The following LPCAT3 variants were observed in gnomAD, a reference collection of about 807,000 sequenced individuals.
LPCAT3 encodes the protein lysophosphatidylcholine acyltransferase 3.
LPCAT3 carries 21 observed loss-of-function variants against 63.4 expected under a neutral mutation model. That is an observed-to-expected ratio of 0.33 (90% CI 0.23 to 0.48). The LOEUF (loss-of-function observed/expected upper bound fraction) is 0.48. Ranked by LOEUF, LPCAT3 falls within the 20% of genes least tolerant of loss-of-function variation. The pLI, the probability that LPCAT3 is intolerant of heterozygous loss-of-function variation, is 0.99. For synonymous variants in LPCAT3, 242 were observed against 227.5 expected (o/e 1.06, Z -0.58); for missense variants, 451 against 590.6 (o/e 0.76, Z 2.45).
At chr12:6,989,901 G>C (rs1946571262) in intron 1 of LPCAT3, among the ~76,000 whole-genome samples, 1 of 152,132 alleles carries the variant, frequency 6.6e-6, no homozygotes, top group Non-Finnish European at 1.5e-5. Context: ...GGCTGGGAGT[G>C]GTGGCTCACA....
rs1555157722 is a variant in LPCAT3, at chr12:7,017,815, G to A, written c.151+459C>T. On this transcript the variant is annotated intron_variant, in intron 1 of 12. Transcript: ENST00000261407. This position sits in a 1 kb window ranked among gnomAD's most constrained non-coding sequence, Gnocchi z 4.1. ...TAAGCTGGCAATAAGCAAAACAGGC[G>A]CTCAGAATATGAAATATGGAATATG... Among the ~76,000 whole-genome samples the A allele has an allele frequency of 3.3e-5, 5 of 152,200 alleles. No homozygotes were observed. Among genetic ancestry groups the A allele is most frequent in the African/African-American group, 4.8e-5 (2 of 41,450 alleles).
At chr12:7,015,342 T>TA (rs1346864533) in intron 1 of LPCAT3, among the ~76,000 whole-genome samples, 1 of 152,232 alleles carries the variant, frequency 6.6e-6, no homozygotes, top group Non-Finnish European at 1.5e-5. Context: ...CATTTTGGAC[T>TA]ACAGGCTTTC....
rs35468304 is a variant in LPCAT3, at chr12:7,016,277, A to ATT, written c.151+1995_151+1996dup. 4.3e-4 allele frequency among the ~76,000 whole-genome samples: 57 copies of ATT among 133,568 alleles called. 1 individual carries two copies. Among genetic ancestry groups the ATT allele is most frequent in the Non-Finnish European group, 6.7e-4 (41 of 61,424 alleles). 87.6% of individuals were successfully genotyped at this position (133,568 alleles called of 152,430 possible). On this transcript the variant is annotated intron_variant, in intron 1 of 12. Coordinates refer to ENST00000261407, the MANE Select transcript of LPCAT3 (RefSeq NM_005768.6). The stretch of plus-strand genomic sequence containing the variant: ...CCACGCCCAGCTCATTTTTTTATTA[A>ATT]TTTTTTTTTTTTTTTTGGAGACAGA...
In LPCAT3 at chr12:6,976,861, G is replaced by T. The variant is rs782242872; in HGVS notation, c.*43C>A. ...AGGAGTGCTGTGAAAAGGGAGACGA[G>T]TAGTTTCTGCACCAGTCCCGCACAG... On this transcript the variant is annotated 3_prime_UTR_variant, in exon 13 of 13. Coordinates refer to ENST00000261407, the MANE Select transcript of LPCAT3 (RefSeq NM_005768.6). The T allele has an allele frequency of 6.4e-6, 2 of 312,706 alleles. No homozygotes were observed. The highest frequency in any genetic ancestry group is 4.2e-5 in the African/African-American group (2 of 47,480). 19.4% of individuals were successfully genotyped at this position (312,706 alleles called of 1,614,324 possible). A position where few individuals can be genotyped will look rare whatever the true frequency, so the allele number is the denominator to read the frequency against.
rs1241680934 is a variant in LPCAT3 at position 6,978,327 on chromosome 12, C to T, written c.1040+14G>A. On this transcript the variant is annotated intron_variant, in intron 9 of 12. Coordinates refer to ENST00000261407, the MANE Select transcript of LPCAT3 (RefSeq NM_005768.6). ...GGAAGGAACCAGGGTCCAGGCTCCC[C>T]ACCAGCAGCTCACCGGGCCACCCAG... 6.3e-7 allele frequency: 1 copy of T among 1,599,596 alleles called. No individual in the cohort carries two copies. The highest frequency in any genetic ancestry group is 8.5e-7 in the Non-Finnish European group (1 of 1,172,046).
Position 6,981,026 on chromosome 12 carries a change from T to A in LPCAT3, c.655A>T (p.Ile219Leu). The A allele has an allele frequency of 6.2e-7, 1 of 1,602,164 alleles. No homozygotes were observed. The highest frequency in any genetic ancestry group is 8.5e-7 in the Non-Finnish European group (1 of 1,175,506). ...MKLVQGELIDIPGKIPNSIIP... is the reference protein window; with the variant it reads ...MKLVQGELIDLPGKIPNSIIP... ...TACCTGTTTGGTATCTTTCCTGGTATGTCAATCAGCTCTCCCTGCACCAGC... is the reference window on the plus strand; with the variant it reads ...TACCTGTTTGGTATCTTTCCTGGTAAGTCAATCAGCTCTCCCTGCACCAGC... The change falls in exon 6 of 13, where the codon ATA becomes TTA. Residue 219 changes from isoleucine (I) to leucine (L), a missense_variant. Ile to Leu is a conservative substitution (Grantham distance 5, BLOSUM62 2). This residue lies in a region of LPCAT3 where 304 missense variants were observed against 390.8 expected (regional missense o/e 0.78). Coordinates refer to ENST00000261407, the MANE Select transcript of LPCAT3 (RefSeq NM_005768.6).
chr12:6,986,539 C>T (rs1239428610), intron 1 of LPCAT3, among the ~76,000 whole-genome samples: 3 of 151,820 alleles, frequency 2.0e-5, no homozygotes, highest in African/African-American at 7.3e-5. Context: ...AATCTCAGCA[C>T]TTTGGGAGGC....
intron 1 of LPCAT3, among the ~76,000 whole-genome samples, chr12:6,999,733 A>C (rs187920093): frequency 1.6e-4 from 24 of 152,306 alleles, no homozygotes; most frequent in African/African-American, 5.1e-4. Flanking sequence ...TAAGACATCT[A>C]AATGGCTTTA....
chr12:6,976,874 C>T lies in LPCAT3; in HGVS notation c.*30G>A, dbSNP rs1591710069. On this transcript the variant is annotated 3_prime_UTR_variant, in exon 13 of 13. Transcript: ENST00000261407. ...AAAGGGAGACGAGTAGTTTCTGCAC[C>T]AGTCCCGCACAGGCCACCTGCAAGA... 3 of 355,996 alleles carry T rather than the reference C, an allele frequency of 8.4e-6. No individual in the cohort carries two copies. The highest frequency in any genetic ancestry group is 8.7e-4 in the Middle Eastern group (1 of 1,150). 22.1% of individuals were successfully genotyped at this position (355,996 alleles called of 1,614,324 possible). A position where few individuals can be genotyped will look rare whatever the true frequency, so the allele number is the denominator to read the frequency against.
intron 3 of LPCAT3, 100 bp from the exon 4 acceptor site, chr12:6,982,004 T>A: frequency 1.4e-6 from 1 of 702,776 alleles, no homozygotes; most frequent in Non-Finnish European, 2.5e-6. Context: ...CCTCATCCCA[T>A]CATTAAAAGC....
rs1424218313 is a variant in LPCAT3 at position 6,979,501 on chromosome 12, T to C, written c.756A>G (p.Thr252=). Residue 252 remains threonine, a synonymous_variant, in exon 7 of 13, where the codon ACA becomes ACG. Coordinates refer to ENST00000261407, the MANE Select transcript of LPCAT3 (RefSeq NM_005768.6). ...VGYTLLSPHI[T]EDYLLTEDYD... is the part of the protein sequence containing the mutation. ...AGTCTTCAGTGAGGAGATAGTCTTCTGTGATGTGGGGGCTGAGCAGTGTGT... is the reference window on the plus strand; with the variant it reads ...AGTCTTCAGTGAGGAGATAGTCTTCCGTGATGTGGGGGCTGAGCAGTGTGT... 3 of 1,613,928 alleles carry C rather than the reference T, an allele frequency of 1.9e-6. No individual in the cohort carries two copies. Among genetic ancestry groups the C allele is most frequent in the Non-Finnish European group, 2.5e-6 (3 of 1,179,762 alleles).
At chr12:6,992,324 C>CAA (rs1234943370) in intron 1 of LPCAT3, among the ~76,000 whole-genome samples, 1 of 132,516 alleles carries the variant, frequency 7.5e-6, no homozygotes. Flanking sequence ...GACCCTGCCT[C>CAA]AAAAAAAAAA....
At chr12:6,979,630 C>T in intron 6 of LPCAT3, 51 bp from the exon 7 acceptor site, 2 of 1,273,480 alleles carry the variant, frequency 1.6e-6, no homozygotes, top group Non-Finnish European at 2.3e-6. Context: ...AGACTATTCC[C>T]TTCACCCTCT....
intron 1 of LPCAT3, among the ~76,000 whole-genome samples, chr12:7,010,672 A>G (rs782787805): frequency 2.0e-5 from 3 of 152,330 alleles, no homozygotes; most frequent in African/African-American, 4.8e-5. Context: ...CAGTGATTAT[A>G]TAATTTTTTT....
intron 1 of LPCAT3, among the ~76,000 whole-genome samples, chr12:6,985,615 T>C (rs1591548889): frequency 1.3e-5 from 2 of 151,494 alleles, no homozygotes; most frequent in Admixed American, 6.6e-5. Context: ...CTCGGGAGGC[T>C]GAGGCAGGAG....
Position 7,001,547 on chromosome 12 carries a change from C to T in LPCAT3, c.151+16727G>A, listed in dbSNP as rs111748649. Reference sequence around the variant, plus strand: ...GAGGCTTTTGGGAGGGGTTATTTGGCGCGGTGTTGGTGTTGGTAGGATCCT... The same window carrying T: ...GAGGCTTTTGGGAGGGGTTATTTGGTGCGGTGTTGGTGTTGGTAGGATCCT... On this transcript the variant is annotated intron_variant, in intron 1 of 12. Coordinates refer to ENST00000261407, the MANE Select transcript of LPCAT3 (RefSeq NM_005768.6). The T allele has an allele frequency of 1.0e-3, 474 of 455,732 alleles. 3 individuals are homozygous for T. Among genetic ancestry groups the T allele is most frequent in the African/African-American group, 8.1e-3 (405 of 50,100 alleles). 28.2% of individuals were successfully genotyped at this position (455,732 alleles called of 1,614,324 possible). A position where few individuals can be genotyped will look rare whatever the true frequency, so the allele number is the denominator to read the frequency against.
chr12:7,010,183 A>G (rs782678657), intron 1 of LPCAT3, among the ~76,000 whole-genome samples: 16 of 152,286 alleles, frequency 1.1e-4, no homozygotes, highest in African/African-American at 3.1e-4. Context: ...ACGATCTTCT[A>G]TTGTTCTGGT....
At chr12:7,016,364 C>T (rs1946797729) in intron 1 of LPCAT3, among the ~76,000 whole-genome samples, 1 of 151,716 alleles carries the variant, frequency 6.6e-6, no homozygotes, top group South Asian at 2.1e-4. Context: ...ACAACCTTCA[C>T]CTCCAGGGTT....
rs781941746 is a variant in LPCAT3 at position 6,982,762 on chromosome 12, G to A, written c.280C>T (p.Leu94=). The A allele has an allele frequency of 1.2e-6, 2 of 1,613,534 alleles. No homozygotes were observed. The highest frequency in any genetic ancestry group is 2.7e-5 in the African/African-American group (2 of 74,972). Residue 94 remains leucine, a synonymous_variant, in exon 3 of 13, where the codon CTG becomes TTG. Coordinates refer to ENST00000261407, the MANE Select transcript of LPCAT3 (RefSeq NM_005768.6). ...AGGAACTGAAGCACAATACACAGCA[G>A]GGAGTGGTAGAGCTGGTTTCCTGGA... The part of the protein sequence containing the change: ...FNFGNQLYHS[L]LCIVLQFLIL...
Sources: gnomAD v4.1 joint callset for allele counts (sites outside exome capture counted in the v4.1 genomes callset) on GRCh38, gnomAD v4.1.1 for gene constraint, gnomAD v4.1.1 regional missense constraint, Gnocchi (gnomAD v3.1) non-coding constraint, MANE v1.5 for transcripts, NCBI Gene and HGNC (gene_info 2026-07-23, HGNC 2026-07-21) for gene names.